Variants in STK32C observed in about 807,000 individuals in gnomAD.
STK32C encodes serine/threonine-protein kinase 32C.
STK32C carries 31 observed loss-of-function variants against 56.5 expected under a neutral mutation model. That is an observed-to-expected ratio of 0.55 (90% CI 0.41 to 0.74). STK32C has a LOEUF of 0.74. Ranked by LOEUF, STK32C falls within the 30% of genes least tolerant of loss-of-function variation. STK32C has a pLI of 0.00. For missense variants in STK32C, 544 were observed against 676.9 expected (o/e 0.80, Z 2.18); for synonymous variants, 309 against 289.4 (o/e 1.07, Z -0.69).
rs76887809 is a variant in STK32C, at chr10:132,289,241, A to G, written c.262+18331T>C. The stretch of plus-strand genomic sequence containing the variant: ...CATGGAAAAATGAACCTCTACCCCC[A>G]TTTCACACTGTGCACAAAAATTAAT... On this transcript the variant is annotated intron_variant, in intron 1 of 11. Coordinates refer to ENST00000298630, the MANE Select transcript of STK32C (RefSeq NM_173575.4). Among the ~76,000 whole-genome samples the G allele has an allele frequency of 8.9e-3, 1,358 of 152,318 alleles. 19 individuals carry two copies. The highest frequency in any genetic ancestry group is 0.031 in the African/African-American group (1,271 of 41,566).
chr10:132,298,534 T>C (rs980107937), intron 1 of STK32C, among the ~76,000 whole-genome samples: 1 of 149,212 alleles, frequency 6.7e-6, no homozygotes, highest in Admixed American at 6.7e-5. Context: ...TAACAGGACA[T>C]GCTGGGAGGA....
chr10:132,258,519 C>A (rs370326605), intron 1 of STK32C, among the ~76,000 whole-genome samples: 2 of 152,340 alleles, frequency 1.3e-5, no homozygotes, highest in Admixed American at 6.5e-5. Flanking sequence ...CCTAGGCCAG[C>A]GCGTTCTCCT....
chr10:132,302,120 C>T (rs890394442), intron 1 of STK32C, among the ~76,000 whole-genome samples: 2 of 152,192 alleles, frequency 1.3e-5, no homozygotes, highest in Non-Finnish European at 2.9e-5. Context: ...GTCCCGGCTC[C>T]GTGTGGAAGA....
At chr10:132,246,196 A>C (rs1313781316) in intron 1 of STK32C, among the ~76,000 whole-genome samples, 1 of 152,234 alleles carries the variant, frequency 6.6e-6, no homozygotes, top group Non-Finnish European at 1.5e-5. Context: ...CTATGGGATT[A>C]GGCATGTGCT....
chr10:132,241,800 C>T lies in STK32C; in HGVS notation c.318+4100G>A, dbSNP rs115363175. On this transcript the variant is annotated intron_variant, in intron 2 of 11. Transcript: ENST00000298630. ...CACAAGCAGCTCCAGACCTCAAGCC[C>T]GCCAACTTAAAAGTGCTGAATTCCA... is the stretch of plus-strand genomic sequence containing the variant. Among the ~76,000 whole-genome samples, 909 of 152,246 alleles carry T rather than the reference C, an allele frequency of 6.0e-3. 9 individuals carry two copies. The highest frequency in any genetic ancestry group is 0.021 in the African/African-American group (869 of 41,538).
At position 132,228,179 on chromosome 10, in the gene STK32C, C is replaced by T. The variant is rs369986866; in HGVS notation, c.319-51G>A. 1.0e-3 allele frequency: 1,692 copies of T among 1,612,930 alleles called. 12 individuals are homozygous for T. The highest frequency in any genetic ancestry group is 7.5e-3 in the South Asian group (679 of 91,062). Reference sequence around the variant, plus strand: ...GGACGCCTGAGGACGCCTGGGGACACGTGGGGACACCTGGAAATGCATGGG... The same window carrying T: ...GGACGCCTGAGGACGCCTGGGGACATGTGGGGACACCTGGAAATGCATGGG... On this transcript the variant is annotated intron_variant, in intron 2 of 11. Transcript: ENST00000298630.
chr10:132,306,895 C>T (rs1252023440), intron 1 of STK32C: 1 of 152,274 alleles, frequency 6.6e-6, no homozygotes, highest in African/African-American at 2.4e-5. Flanking sequence ...GGAGGTGTCC[C>T]TGCAGGCCTG....
intron 1 of STK32C, among the ~76,000 whole-genome samples, chr10:132,286,203 T>C (rs942680840): frequency 2.6e-5 from 4 of 151,816 alleles, no homozygotes; most frequent in Non-Finnish European, 5.9e-5. Context: ...AACTCATTCC[T>C]TGAAAGACAC....
chr10:132,303,924 C>A (rs939173781), intron 1 of STK32C, among the ~76,000 whole-genome samples: 82 of 152,310 alleles, frequency 5.4e-4, no homozygotes, highest in Non-Finnish European at 1.1e-3. Context: ...CCACTGCACT[C>A]GCTCCTGCCT....
chr10:132,295,035 GTAAACCCAGA>G (rs1354924526), intron 1 of STK32C, among the ~76,000 whole-genome samples: 2 of 152,148 alleles, frequency 1.3e-5, no homozygotes, highest in African/African-American at 4.8e-5. Context: ...TGCCACTTCA[GTAAACCCAGA>G]GAAACAGCCT....
At position 132,224,510 on chromosome 10, in the gene STK32C, A is replaced by G. The variant is rs1480583505; in HGVS notation, c.890T>C (p.Ile297Thr). Reference protein sequence around the residue: ...ELLRGWRPYDIHSSNAVESLV... With the variant: ...ELLRGWRPYDTHSSNAVESLV... The stretch of plus-strand genomic sequence containing the variant: ...GGACTCCACGGCGTTGCTGGAGTGG[A>G]TGTCATAGGGCCTCTGGAGACAGGG... The change falls in exon 8 of 12, where the codon ATC becomes ACC. Residue 297 changes from isoleucine to threonine, a missense_variant. Physicochemically the swap from Ile to Thr is moderately conservative, Grantham distance 89. Around this residue, in one of 3 missense-constraint regions of STK32C, gnomAD observed 277 missense variants for 309.3 expected, o/e 0.90. Transcript: ENST00000298630. 7.5e-6 allele frequency: 12 copies of G among 1,592,052 alleles called. 1 individual carries two copies. Among genetic ancestry groups the G allele is most frequent in the South Asian group, 5.7e-5 (5 of 87,184 alleles).
intron 1 of STK32C, among the ~76,000 whole-genome samples, chr10:132,275,463 T>G (rs896827462): frequency 2.6e-5 from 4 of 152,182 alleles, no homozygotes; most frequent in Non-Finnish European, 4.4e-5. Context: ...AGGATGAGAA[T>G]CAGGTCCCTT....
chr10:132,281,023 T>C (rs1191432753), intron 1 of STK32C, among the ~76,000 whole-genome samples: 1 of 145,140 alleles, frequency 6.9e-6, no homozygotes, highest in Non-Finnish European at 1.5e-5. Context: ...CACTCCGTGA[T>C]CACGTCCCTG....
At position 132,282,114 on chromosome 10, in the gene STK32C, C is replaced by T. The variant is rs370212087; in HGVS notation, c.262+25458G>A. 8.3e-4 allele frequency among the ~76,000 whole-genome samples: 126 copies of T among 152,294 alleles called. 2 individuals carry two copies. In the South Asian group the frequency reaches 0.023, roughly 28 times the overall value. On this transcript the variant is annotated intron_variant, in intron 1 of 11. Coordinates refer to ENST00000298630, the MANE Select transcript of STK32C (RefSeq NM_173575.4). ...GGGCGACAGGTGCTGGGCGGGGAGGCGCTACATTGTGTAACACTCAGCAGC... is the reference window on the plus strand; with the variant it reads ...GGGCGACAGGTGCTGGGCGGGGAGGTGCTACATTGTGTAACACTCAGCAGC...
chr10:132,273,429 GTGAA>G (rs1167577368), intron 1 of STK32C, among the ~76,000 whole-genome samples: 1 of 152,240 alleles, frequency 6.6e-6, no homozygotes, highest in Non-Finnish European at 1.5e-5. Flanking sequence ...GAATGAATGA[GTGAA>G]TGAATCAGTA....
In STK32C at chr10:132,263,134, C is replaced by T. The variant is rs751105092; in HGVS notation, c.263-17179G>A. ...CAAATCGTTCTACCAAAAAGACACG[C>T]GCATTCGTGTGTTCATTGTGGTGCT... On this transcript the variant is annotated intron_variant, in intron 1 of 11. Coordinates refer to ENST00000298630, the MANE Select transcript of STK32C (RefSeq NM_173575.4). 6.6e-5 allele frequency among the ~76,000 whole-genome samples: 10 copies of T among 152,296 alleles called. No individual in the cohort carries two copies. In the East Asian group the frequency reaches 1.2e-3, roughly 18 times the overall value.
intron 1 of STK32C, chr10:132,249,038 CCTCCCG>C: frequency 8.4e-6 from 4 of 473,616 alleles, no homozygotes; most frequent in Non-Finnish European, 1.7e-5. Context: ...ACCTGCAAAG[CCTCCCG>C]ACTGTGCGAC....
chr10:132,224,298 C>A (rs986815332), intron 8 of STK32C, 109 bp downstream of exon 8: 30 of 797,472 alleles, frequency 3.8e-5, no homozygotes, highest in Non-Finnish European at 5.6e-5. Flanking sequence ...TCTGTGCCTG[C>A]CAGGAAGCGG....
chr10:132,227,880 C>T (rs538337074), intron 3 of STK32C, 97 bp downstream of exon 3: 46 of 1,479,944 alleles, frequency 3.1e-5, no homozygotes, highest in Non-Finnish European at 3.9e-5. Context: ...CTCCGAGGCA[C>T]GAGGGCCAAG....
Sources: gnomAD v4.1 joint callset for allele counts (sites outside exome capture counted in the v4.1 genomes callset) on GRCh38, gnomAD v4.1.1 for gene constraint, gnomAD v4.1.1 regional missense constraint, MANE v1.5 for transcripts, NCBI Gene and HGNC (gene_info 2026-07-23, HGNC 2026-07-21) for gene names.